Variants in ELOA2 observed in about 807,000 individuals in gnomAD.
ELOA2 encodes the protein elongin-A2.
For synonymous variants in ELOA2, 497 were observed against 398.8 expected (o/e 1.25, Z -2.94); for missense variants, 1,271 against 979.7 (o/e 1.30, Z -3.97).
chr18:47,033,534 G>A lies in ELOA2; in HGVS notation c.1731C>T (p.Leu577=), dbSNP rs538191748. 71 of 1,614,008 alleles carry A rather than the reference G, an allele frequency of 4.4e-5. 1 individual carries two copies. The South Asian group carries it at 6.9e-4, about 16-fold the overall frequency. Residue 577 remains leucine, a synonymous_variant, in exon 1 of 1, where the codon CTC becomes CTT. Transcript: ENST00000332567. The part of the protein sequence containing the change: ...LYRRKKDNHA[L]VRETDELRRN... ...TCCGTAATTCGTCTGTCTCTCTAAC[G>A]AGTGCGTGATTGTCTTTCTTTCTGC...
Position 47,034,058 on chromosome 18 carries a change from C to T in ELOA2, c.1207G>A (p.Ala403Thr), listed in dbSNP as rs892586. The T allele has an allele frequency of 5.6e-6, 9 of 1,613,914 alleles. No homozygotes were observed. In the African/African-American group the frequency reaches 6.7e-5, roughly 12 times the overall value. ...RKQKKKTGKSATTALGDKQRK... is the reference protein window; with the variant it reads ...RKQKKKTGKSTTTALGDKQRK... ...TGTTTATCTCCAAGTGCAGTGGTGG[C>T]AGATTTTCCAGTCTTTTTCTTTTGC... The change falls in exon 1 of 1, where the codon GCC (alanine) becomes ACC (threonine). Residue 403 changes from alanine to threonine, a missense_variant. By Grantham distance (58) the Ala-to-Thr change is moderately conservative. Transcript: ENST00000332567.
chr18:47,035,324 C>G lies in ELOA2; in HGVS notation c.-60G>C. On this transcript the variant is annotated 5_prime_UTR_variant, in exon 1 of 1. Transcript: ENST00000332567. ...GGTCGCAGCTCTGTCTTTGGGGCTG[C>G]GGGACAGGAAGTCTGGGGTGGCCGG... 5.0e-6 allele frequency: 8 copies of G among 1,608,766 alleles called. No individual in the cohort carries two copies. Among genetic ancestry groups the G allele is most frequent in the South Asian group, 3.3e-5 (3 of 90,840 alleles).
In ELOA2 at chr18:47,033,335, A is replaced by T; in HGVS notation, c.1930T>A (p.Phe644Ile). 1 of 1,613,828 alleles carries T rather than the reference A, an allele frequency of 6.2e-7. No homozygotes were observed. The highest frequency in any genetic ancestry group is 8.5e-7 in the Non-Finnish European group (1 of 1,180,028). The part of the protein sequence containing the change: ...PNGREAKMIC[F>I]KSVAKTPYDT... The stretch of plus-strand genomic sequence containing the variant: ...TAAGGCGTCTTGGCCACAGATTTGA[A>T]ACAGATCATCTTTGCCTCTCTGCCG... The change falls in exon 1 of 1, where the codon TTC (phenylalanine) becomes ATC (isoleucine). Residue 644 changes from phenylalanine to isoleucine, a missense_variant. Phe to Ile is a conservative substitution (Grantham distance 21). Transcript: ENST00000332567.
chr18:47,035,260 G>A lies in ELOA2; in HGVS notation c.5C>T (p.Ala2Val), dbSNP rs1436684834. The A allele has an allele frequency of 2.5e-6, 4 of 1,612,680 alleles. No homozygotes were observed. Among genetic ancestry groups the A allele is most frequent in the Admixed American group, 1.7e-5 (1 of 60,016 alleles). Residue 2 changes from alanine to valine, a missense_variant, in exon 1 of 1, where the codon GCG (alanine) becomes GTG (valine). Ala to Val is a moderately conservative substitution (Grantham distance 64). Coordinates refer to ENST00000332567, the MANE Select transcript of ELOA2 (RefSeq NM_016427.3). ...TGCGTGCAGCGTAGTGGACCCTGCCGCCATCTCACCAGAGCTGTGCAGGCG... is the reference window on the plus strand; with the variant it reads ...TGCGTGCAGCGTAGTGGACCCTGCCACCATCTCACCAGAGCTGTGCAGGCG... M[A>V]AGSTTLHAVE...
chr18:47,034,825 T>A lies in ELOA2; in HGVS notation c.440A>T (p.His147Leu). The A allele has an allele frequency of 6.2e-7, 1 of 1,607,084 alleles. No individual in the cohort carries two copies. The highest frequency in any genetic ancestry group is 1.3e-5 in the African/African-American group (1 of 74,918). ...TCTCTCAGCTCTGGGCTCGCGACTG[T>A]GAGACCTCGGGTGAGGTCTCTGTTG... is the stretch of plus-strand genomic sequence containing the variant. ...PGQQRPHPRSHSREPRAERKC... is the reference protein window; with the variant it reads ...PGQQRPHPRSLSREPRAERKC... The change falls in exon 1 of 1, where the codon CAC becomes CTC. Residue 147 changes from histidine to leucine, a missense_variant. By Grantham distance (99) the His-to-Leu change is moderately conservative. Coordinates refer to ENST00000332567, the MANE Select transcript of ELOA2 (RefSeq NM_016427.3).
At position 47,033,684 on chromosome 18, in the gene ELOA2, C is replaced by T. The variant is rs758861153; in HGVS notation, c.1581G>A (p.Pro527=). Residue 527 remains proline (P), a synonymous_variant, in exon 1 of 1, where the codon CCG becomes CCA. Transcript: ENST00000332567. ...CCTGGGCACACTGCTGGCGCAGCGT[C>T]GGCACCTGGAGCTGGCAGGCAGGCC... The part of the protein sequence containing the change: ...GSRPACQLQV[P]TLRQQCAQVL... 6 of 1,614,194 alleles carry T rather than the reference C, an allele frequency of 3.7e-6. No homozygotes were observed. Among genetic ancestry groups the T allele is most frequent in the Non-Finnish European group, 3.4e-6 (4 of 1,180,044 alleles).
chr18:47,034,745 G>C lies in ELOA2; in HGVS notation c.520C>G (p.Arg174Gly), dbSNP rs753405387. The change falls in exon 1 of 1, where the codon CGC (arginine) becomes GGC (glycine). Residue 174 changes from arginine to glycine, a missense_variant. Coordinates refer to ENST00000332567, the MANE Select transcript of ELOA2 (RefSeq NM_016427.3). ...TCGGGCATCCGGAGGGGAGCTGTGC[G>C]CGTTGGAGAGGCCCGATAGCGGCCG... Reference protein sequence around the residue: ...DSGRYRASPTRTAPLRMPEGP... With the variant: ...DSGRYRASPTGTAPLRMPEGP... 6.2e-6 allele frequency: 10 copies of C among 1,612,660 alleles called. No homozygotes were observed. Among genetic ancestry groups the C allele is most frequent in the Non-Finnish European group, 8.5e-6 (10 of 1,179,722 alleles).
In ELOA2 at chr18:47,034,777, G is replaced by T; in HGVS notation, c.488C>A (p.Ala163Asp). Residue 163 changes from alanine (A) to aspartate (D), a missense_variant, in exon 1 of 1, where the codon GCT (alanine) becomes GAT (aspartate). Physicochemically the swap from Ala to Asp is moderately radical, Grantham distance 126. Transcript: ENST00000332567. The part of the protein sequence containing the change: ...AERKCPRIAP[A>D]DSGRYRASPT... ...AGAGGCCCGATAGCGGCCGGAATCA[G>T]CTGGGGCTATTCTGGGGCACTTTCT... 6.2e-7 allele frequency: 1 copy of T among 1,612,604 alleles called. No homozygotes were observed. The highest frequency in any genetic ancestry group is 2.0e-4 in the Middle Eastern group (1 of 5,054).
At position 47,033,071 on chromosome 18, in the gene ELOA2, C is replaced by G. The variant is rs1321613485; in HGVS notation, c.2194G>C (p.Ala732Pro). The change falls in exon 1 of 1, where the codon GCC becomes CCC. Residue 732 changes from alanine to proline, a missense_variant. Coordinates refer to ENST00000332567, the MANE Select transcript of ELOA2 (RefSeq NM_016427.3). ...APAAKTRKQA[A>P]KKVAPLMAKA... ...GCCATCAGCGGGGCCACTTTCTTGG[C>G]AGCCTGTTTCCGGGTTTTGGCCGCG... is the stretch of plus-strand genomic sequence containing the variant. The G allele has an allele frequency of 1.2e-6, 2 of 1,614,150 alleles. No individual in the cohort carries two copies. The highest frequency in any genetic ancestry group is 1.7e-6 in the Non-Finnish European group (2 of 1,180,044).
Position 47,034,263 on chromosome 18 carries a change from G to C in ELOA2, c.1002C>G (p.Pro334=), listed in dbSNP as rs540412608. ...DPGNGTHGLS[P]EEKEQLSNDR... ...CGTTGGAAAGCTGCTCTTTCTCCTC[G>C]GGCGACAGGCCGTGTGTCCCATTTC... The change falls in exon 1 of 1, where the codon CCC becomes CCG. Residue 334 remains proline (P), a synonymous_variant. Coordinates refer to ENST00000332567, the MANE Select transcript of ELOA2 (RefSeq NM_016427.3). The C allele has an allele frequency of 5.0e-6, 8 of 1,613,956 alleles. No individual in the cohort carries two copies. Among genetic ancestry groups the C allele is most frequent in the Middle Eastern group, 3.3e-4 (2 of 6,062 alleles).
In ELOA2 at chr18:47,032,596, C is replaced by A; in HGVS notation, c.*407G>T. ...AGCAACAGCAAACATTTTATGTATT[C>A]GGAGTTATCAGTGTCAACTAATGGC... On this transcript the variant is annotated 3_prime_UTR_variant, in exon 1 of 1. Coordinates refer to ENST00000332567, the MANE Select transcript of ELOA2 (RefSeq NM_016427.3). 4.0e-6 allele frequency: 1 copy of A among 248,298 alleles called. No homozygotes were observed. The highest frequency in any genetic ancestry group is 7.8e-6 in the Non-Finnish European group (1 of 128,784). The allele number at this position is 248,298 out of a possible 1,614,324, so 15.4% of individuals were successfully genotyped here.
In ELOA2 at chr18:47,034,700, G is replaced by A. The variant is rs1806921671; in HGVS notation, c.565C>T (p.Pro189Ser). 1 of 1,612,966 alleles carries A rather than the reference G, an allele frequency of 6.2e-7. No homozygotes were observed. Among genetic ancestry groups the A allele is most frequent in the Non-Finnish European group, 8.5e-7 (1 of 1,179,866 alleles). ...TGGCCTCTTCCGGGTTGCTTCCCGG[G>A]CGCAGCGGGCTCAGGGCCCTCGGGC... ...RMPEGPEPAA[P>S]GKQPGRGHTH... Residue 189 changes from proline (P) to serine (S), a missense_variant, in exon 1 of 1, where the codon CCC becomes TCC. Physicochemically the swap from Pro to Ser is moderately conservative, Grantham distance 74 (BLOSUM62 -1). Transcript: ENST00000332567.
Position 47,034,021 on chromosome 18 carries a change from T to A in ELOA2, c.1244A>T (p.Asn415Ile). The A allele has an allele frequency of 6.2e-7, 1 of 1,614,142 alleles. No homozygotes were observed. Among genetic ancestry groups the A allele is most frequent in the South Asian group, 1.1e-5 (1 of 91,074 alleles). Residue 415 changes from asparagine to isoleucine, a missense_variant, in exon 1 of 1, where the codon AAC becomes ATC. Asn to Ile is a moderately radical substitution (Grantham distance 149, BLOSUM62 -3). Transcript: ENST00000332567. ...GGACTCACGAGTGCCCTTGGATTCG[T>A]TTGCTTTCCTTTGTTTATCTCCAAG... Reference protein sequence around the residue: ...TALGDKQRKANESKGTRESWD... With the variant: ...TALGDKQRKAIESKGTRESWD...
In ELOA2 at chr18:47,032,625, T is replaced by A; in HGVS notation, c.*378A>T. ...GTTATCAGTGTCAACTAATGGCTTG[T>A]GTGTTTTTGTCTAAGAAGTTCTTAT... is the stretch of plus-strand genomic sequence containing the variant. On this transcript the variant is annotated 3_prime_UTR_variant, in exon 1 of 1. Coordinates refer to ENST00000332567, the MANE Select transcript of ELOA2 (RefSeq NM_016427.3). 1 of 304,588 alleles carries A rather than the reference T, an allele frequency of 3.3e-6. No homozygotes were observed. The highest frequency in any genetic ancestry group is 6.1e-6 in the Non-Finnish European group (1 of 163,114). 18.9% of individuals were successfully genotyped at this position (304,588 alleles called of 1,614,324 possible).
At position 47,033,645 on chromosome 18, in the gene ELOA2, A is replaced by C. The variant is rs768926431; in HGVS notation, c.1620T>G (p.Asn540Lys). The C allele has an allele frequency of 1.9e-6, 3 of 1,614,178 alleles. No homozygotes were observed. Among genetic ancestry groups the C allele is most frequent in the Non-Finnish European group, 1.7e-6 (2 of 1,180,044 alleles). Residue 540 changes from asparagine (N) to lysine (K), a missense_variant, in exon 1 of 1, where the codon AAT becomes AAG. By Grantham distance (94) the Asn-to-Lys change is moderately conservative. Transcript: ENST00000332567. ...RQQCAQVLRN[N>K]PDALSDVGEV... ...CTCCCACGTCGCTGAGGGCGTCCGG[A>C]TTGTTTCTAAGCACCTGGGCACACT...
At position 47,035,241 on chromosome 18, in the gene ELOA2, C is replaced by G; in HGVS notation, c.24G>C (p.Leu8=). ...GCACCTGCAGCTTCTCCACTGCGTGCAGCGTAGTGGACCCTGCCGCCATCT... is the reference window on the plus strand; with the variant it reads ...GCACCTGCAGCTTCTCCACTGCGTGGAGCGTAGTGGACCCTGCCGCCATCT... MAAGSTT[L]HAVEKLQVRL... is the part of the protein sequence containing the mutation. The change falls in exon 1 of 1, where the codon CTG becomes CTC. Residue 8 remains leucine (L), a synonymous_variant. Transcript: ENST00000332567. 6.2e-7 allele frequency: 1 copy of G among 1,612,798 alleles called. No homozygotes were observed. The highest frequency in any genetic ancestry group is 1.3e-5 in the African/African-American group (1 of 75,012).
At position 47,032,889 on chromosome 18, in the gene ELOA2, CT is replaced by C. The variant is rs2060542021; in HGVS notation, c.*113del. On this transcript the variant is annotated 3_prime_UTR_variant, in exon 1 of 1. Coordinates refer to ENST00000332567, the MANE Select transcript of ELOA2 (RefSeq NM_016427.3). ...ACACCTGCAGAATTCAAAGGCTCAA[CT>C]TTGCACCAAGTTAAAGGTTCTGGTG... The C allele has an allele frequency of 1.3e-6, 2 of 1,586,250 alleles. No individual in the cohort carries two copies. The highest frequency in any genetic ancestry group is 1.7e-6 in the Non-Finnish European group (2 of 1,165,590).
chr18:47,034,558 G>A lies in ELOA2; in HGVS notation c.707C>T (p.Pro236Leu), dbSNP rs146895478. ...GHKSSRQEKR[P>L]LCAQGDWHSP... ...GTGCCAATCTCCCTGGGCACACAAGGGGCGTTTTTCCTGGCGAGACGATTT... is the reference window on the plus strand; with the variant it reads ...GTGCCAATCTCCCTGGGCACACAAGAGGCGTTTTTCCTGGCGAGACGATTT... The change falls in exon 1 of 1, where the codon CCC (proline) becomes CTC (leucine). Residue 236 changes from proline (P) to leucine (L), a missense_variant. By Grantham distance (98) the Pro-to-Leu change is moderately conservative. Transcript: ENST00000332567. 2.5e-5 allele frequency: 41 copies of A among 1,614,118 alleles called. No homozygotes were observed. The highest frequency in any genetic ancestry group is 3.2e-5 in the Non-Finnish European group (38 of 1,180,042).
Position 47,033,636 on chromosome 18 carries a change from G to A in ELOA2, c.1629C>T (p.Ala543=). 1.2e-6 allele frequency: 2 copies of A among 1,614,186 alleles called. No homozygotes were observed. ...CAQVLRNNPD[A]LSDVGEVPYW... ...AGGGGACCTCTCCCACGTCGCTGAG[G>A]GCGTCCGGATTGTTTCTAAGCACCT... is the stretch of plus-strand genomic sequence containing the variant. Residue 543 remains alanine (A), a synonymous_variant, in exon 1 of 1, where the codon GCC becomes GCT. Transcript: ENST00000332567.
Sources: allele counts gnomAD v4.1 joint callset, GRCh38; gene constraint gnomAD v4.1.1; transcripts MANE v1.5; gene names NCBI Gene and HGNC (gene_info 2026-07-23, HGNC 2026-07-21).